Variants in CDIN1 observed in about 807,000 individuals in gnomAD.
CDIN1 encodes CDAN1-interacting nuclease 1.
CDIN1 carries 33 observed loss-of-function variants against 45.3 expected under a neutral mutation model. The ratio of observed to expected loss-of-function variants is 0.73; its 90% CI spans 0.55 to 0.97. The LOEUF is 0.97. CDIN1 is among the 50% of genes least tolerant of loss of function. The pLI is 0.00. For missense variants in CDIN1, 303 were observed against 339.4 expected, an observed-to-expected ratio of 0.89 and a Z score of 0.84; for synonymous variants, 118 against 124.4, an observed-to-expected ratio of 0.95 and a Z score of 0.34.
intron 1 of CDIN1, among the ~76,000 whole-genome samples, chr15:36,625,257 G>A (rs562850889): frequency 6.0e-5 from 9 of 151,226 alleles, no homozygotes; most frequent in Non-Finnish European, 1.3e-4. Flanking sequence ...CTCCAGCCTG[G>A]ACGACAGAGC....
chr15:36,636,001 T>C (rs1414969239), intron 1 of CDIN1, among the ~76,000 whole-genome samples: 1 of 152,000 alleles, frequency 6.6e-6, no homozygotes, highest in African/African-American at 2.4e-5. Flanking sequence ...ATTGGGAGTC[T>C]CGGGGAGGAG....
intron 5 of CDIN1, among the ~76,000 whole-genome samples, chr15:36,664,221 G>C (rs542913840): frequency 9.9e-5 from 15 of 152,264 alleles, no homozygotes; most frequent in South Asian, 8.3e-4. Flanking sequence ...CCAGACCACA[G>C]TTTATAGAAG....
chr15:36,709,346 A>T (rs917307420), intron 9 of CDIN1, 58 bp downstream of exon 9: 143 of 1,327,612 alleles, frequency 1.1e-4, no homozygotes, highest in Non-Finnish European at 1.3e-4. Context: ...GTATTTTTTA[A>T]TTTTTTTATG....
chr15:36,747,385 T>G (rs2044483588), intron 10 of CDIN1: 1 of 173,606 alleles, frequency 5.8e-6, no homozygotes, highest in Non-Finnish European at 1.2e-5. Flanking sequence ...TGGCCTAGAG[T>G]TTTCATTTAT....
At chr15:36,625,227 G>A (rs1484091739) in intron 1 of CDIN1, among the ~76,000 whole-genome samples, 3 of 151,688 alleles carry the variant, frequency 2.0e-5, no homozygotes, top group Non-Finnish European at 4.4e-5. Flanking sequence ...CTTGTAGTGA[G>A]CCGAGATTGC....
At chr15:36,746,663 A>G (rs1486428905) in intron 10 of CDIN1, among the ~76,000 whole-genome samples, 2 of 109,840 alleles carry the variant, frequency 1.8e-5, no homozygotes, top group East Asian at 2.8e-4. Context: ...ATATAAATAT[A>G]TGGTTCCACA....
chr15:36,752,653 A>T (rs980174644), intron 10 of CDIN1, among the ~76,000 whole-genome samples: 1 of 152,180 alleles, frequency 6.6e-6, no homozygotes, highest in African/African-American at 2.4e-5. Context: ...CATTTGTTTC[A>T]TTTCTACTCA....
chr15:36,794,184 G>A (rs1220469804), intron 10 of CDIN1, among the ~76,000 whole-genome samples: 3 of 150,206 alleles, frequency 2.0e-5, no homozygotes, highest in Non-Finnish European at 3.0e-5. Flanking sequence ...TCAGCCTCCC[G>A]AGTAGCTGGG....
chr15:36,735,145 A>C (rs898729219), intron 10 of CDIN1, among the ~76,000 whole-genome samples: 49 of 152,344 alleles, frequency 3.2e-4, no homozygotes, highest in African/African-American at 1.1e-3. Flanking sequence ...TAGGAAAAAT[A>C]ATGCCTCTGT....
intron 8 of CDIN1, among the ~76,000 whole-genome samples, chr15:36,699,080 A>T (rs185958252): frequency 6.6e-6 from 1 of 152,310 alleles, no homozygotes; most frequent in Non-Finnish European, 1.5e-5. Flanking sequence ...ATTTTATGGA[A>T]GCATACTCAA....
At chr15:36,596,469 A>G (rs999646763) in intron 1 of CDIN1, among the ~76,000 whole-genome samples, 19 of 152,272 alleles carry the variant, frequency 1.2e-4, no homozygotes, top group African/African-American at 4.1e-4. Context: ...GTTACTTCCA[A>G]ATTTTTGAAT....
chr15:36,758,293 T>G (rs1216728640), intron 10 of CDIN1, among the ~76,000 whole-genome samples: 1 of 152,192 alleles, frequency 6.6e-6, no homozygotes, highest in African/African-American at 2.4e-5. Context: ...CTGGCCTTGA[T>G]AGTAGCATGT....
chr15:36,667,907 G>T (rs1006618759), intron 5 of CDIN1, among the ~76,000 whole-genome samples: 5 of 152,200 alleles, frequency 3.3e-5, no homozygotes, highest in Admixed American at 3.3e-4. Flanking sequence ...GTAGATTGTA[G>T]GTAATTTCTG....
chr15:36,799,102 A>C (rs1595615741), intron 10 of CDIN1: 1 of 152,310 alleles, frequency 6.6e-6, no homozygotes, highest in African/African-American at 2.4e-5. Context: ...AAAACATGTA[A>C]TAATTCACAC....
intron 1 of CDIN1, chr15:36,618,415 GC>G (rs2038997091): frequency 1.3e-6 from 1 of 763,732 alleles, no homozygotes; most frequent in African/African-American, 1.7e-5. Context: ...TATGGTAGGG[GC>G]AGGAGAACTC....
chr15:36,766,756 T>G (rs541185697), intron 10 of CDIN1, among the ~76,000 whole-genome samples: 1 of 152,352 alleles, frequency 6.6e-6, no homozygotes, highest in East Asian at 1.9e-4. Context: ...TGCCCATTTT[T>G]AATAGGGTTA....
chr15:36,628,842 G>A (rs892377511), intron 1 of CDIN1, among the ~76,000 whole-genome samples: 2 of 152,222 alleles, frequency 1.3e-5, no homozygotes, highest in Admixed American at 6.5e-5. Context: ...AGGATCTTGA[G>A]ATGGAGAGAT....
intron 10 of CDIN1, among the ~76,000 whole-genome samples, chr15:36,748,328 C>G (rs950400335): frequency 6.6e-6 from 1 of 152,150 alleles, no homozygotes; most frequent in Non-Finnish European, 1.5e-5. Flanking sequence ...CAGTCATTGC[C>G]GGGTCTTAGT....
intron 5 of CDIN1, among the ~76,000 whole-genome samples, chr15:36,662,952 T>C (rs762954463): frequency 6.7e-6 from 1 of 150,208 alleles, no homozygotes; most frequent in Non-Finnish European, 1.5e-5. Flanking sequence ...GAGCATTTCC[T>C]TTGAAATGCT....
Sources: allele counts gnomAD v4.1 joint callset (sites outside exome capture counted in the v4.1 genomes callset), GRCh38; gene constraint gnomAD v4.1.1; transcripts MANE v1.5; gene names NCBI Gene and HGNC (gene_info 2026-07-23, HGNC 2026-07-21).